ORC3: variants seen among roughly 807,000 people sequenced by gnomAD.
ORC3 encodes homolog of latheo, Drosophila.
Under a neutral mutation model 100.7 loss-of-function variants are expected in ORC3, and 78 were observed. The ratio of observed to expected loss-of-function variants is 0.77; its 90% CI spans 0.65 to 0.94. The LOEUF is 0.94. ORC3 is among the 40% of genes least tolerant of loss of function. The pLI is 0.00. For missense variants in ORC3, 789 were observed against 823.9 expected (o/e 0.96, Z 0.52); for synonymous variants, 295 against 289.3 (o/e 1.02, Z -0.20).
intron 14 of ORC3, among the ~76,000 whole-genome samples, chr6:87,654,299 A>G (rs1171542521): frequency 2.0e-5 from 3 of 152,194 alleles, no homozygotes. Flanking sequence ...GATGAAAGAG[A>G]ATGTTTGCCT....
At chr6:87,594,233 T>G (rs1021011498) in intron 1 of ORC3, 120 bp from the exon 2 acceptor site, 2 of 606,290 alleles carry the variant, frequency 3.3e-6, no homozygotes, top group Non-Finnish European at 5.8e-6. Context: ...CTGAAAGAAA[T>G]GTGTTCTCTC....
rs890544586 is a variant in ORC3 at position 87,648,231 on chromosome 6, C to CA, written c.1383-4876dup. 1.7e-4 allele frequency among the ~76,000 whole-genome samples: 25 copies of CA among 149,340 alleles called. No individual in the cohort carries two copies. In the South Asian group the frequency reaches 2.1e-3, roughly 13 times the overall value. On this transcript the variant is annotated intron_variant, in intron 13 of 19. Transcript: ENST00000392844. ...AAAACAAAACAAAACAAAACAAAAC[C>CA]AAAAAAAAAGTGCTTGCTATAGTCA...
intron 18 of ORC3, 91 bp from the exon 19 acceptor site, chr6:87,665,663 C>A: frequency 1.4e-6 from 1 of 703,574 alleles, no homozygotes; most frequent in Non-Finnish European, 2.5e-6. Context: ...AGAATATGTG[C>A]CAGCTATCAA....
chr6:87,637,474 CT>C (rs143974120), intron 13 of ORC3, among the ~76,000 whole-genome samples: 3 of 151,054 alleles, frequency 2.0e-5, no homozygotes, highest in East Asian at 1.9e-4. Context: ...CTTTTTTCTT[CT>C]TTTTTTTTAC....
intron 13 of ORC3, among the ~76,000 whole-genome samples, chr6:87,639,140 A>G (rs907586338): frequency 6.6e-6 from 1 of 152,158 alleles, no homozygotes; most frequent in Admixed American, 6.5e-5. Context: ...ACATATGGCA[A>G]ATATTCCAAA....
intron 17 of ORC3, among the ~76,000 whole-genome samples, chr6:87,664,300 G>A (rs745487298): frequency 3.9e-5 from 6 of 152,074 alleles, no homozygotes; most frequent in African/African-American, 1.2e-4. Flanking sequence ...TGTTGACAAC[G>A]TAGTCTTTTC....
chr6:87,635,516 G>T (rs185870272), intron 12 of ORC3, among the ~76,000 whole-genome samples: 11 of 152,286 alleles, frequency 7.2e-5, no homozygotes, highest in African/African-American at 2.6e-4. Flanking sequence ...TGACTTGTTG[G>T]CTGGGTGCAG....
In ORC3 at chr6:87,621,321, A is replaced by C. The variant is rs1779514128; in HGVS notation, c.988-33A>C. The C allele has an allele frequency of 8.3e-6, 12 of 1,450,660 alleles. No individual in the cohort carries two copies. The East Asian group carries it at 3.1e-4, about 37-fold the overall frequency. 89.9% of individuals were successfully genotyped at this position (1,450,660 alleles called of 1,614,324 possible). ...CGCAATAGATTTACTGCCAAAATAT[A>C]ACAAATATGTTTAATCTTCACATGT... is the stretch of plus-strand genomic sequence containing the variant. On this transcript the variant is annotated intron_variant, in intron 9 of 19. Transcript: ENST00000392844.
rs561606392 is a variant in ORC3, at chr6:87,661,418, G to A, written c.1692-1585G>A. 2.0e-5 allele frequency among the ~76,000 whole-genome samples: 3 copies of A among 152,288 alleles called. No homozygotes were observed. In the East Asian group the frequency reaches 5.8e-4, roughly 29 times the overall value. On this transcript the variant is annotated intron_variant, in intron 16 of 19. Coordinates refer to ENST00000392844, the MANE Select transcript of ORC3 (RefSeq NM_012381.4). ...TTTGTTCCAGTTGACTCTGGAGAAG[G>A]AGCAGCACCTAGAATTAGAATGAGC...
At chr6:87,635,023 G>T (rs1207607362) in intron 12 of ORC3, 62 bp downstream of exon 12, 5 of 899,278 alleles carry the variant, frequency 5.6e-6, no homozygotes, top group Non-Finnish European at 9.4e-6. Context: ...TCTTGCTTTG[G>T]TTTTTGTAGC....
chr6:87,622,098 A>G (rs1388562723), intron 11 of ORC3, 85 bp downstream of exon 11: 2 of 888,336 alleles, frequency 2.3e-6, no homozygotes, highest in Non-Finnish European at 3.6e-6. Context: ...GAGTTAATAA[A>G]ACATATTTGT....
At position 87,607,907 on chromosome 6, in the gene ORC3, G is replaced by T. The variant is rs1328361192; in HGVS notation, c.579+83G>T. 15 of 883,556 alleles carry T rather than the reference G, an allele frequency of 1.7e-5. No individual in the cohort carries two copies. The East Asian group carries it at 4.1e-4, about 24-fold the overall frequency. The allele number at this position is 883,556 out of a possible 1,614,324, so 54.7% of individuals were successfully genotyped here. A position where few individuals can be genotyped will look rare whatever the true frequency, so the allele number is the denominator to read the frequency against. On this transcript the variant is annotated intron_variant, in intron 6 of 19. Transcript: ENST00000392844. ...GAATAATATTAGACAGTACTGTTTT[G>T]ATCTAACAAGGATATGTTTCTGCAG...
intron 1 of ORC3, among the ~76,000 whole-genome samples, chr6:87,591,308 A>G (rs1776906309): frequency 6.6e-6 from 1 of 152,244 alleles, no homozygotes. Flanking sequence ...TGAAGAAGCT[A>G]CATTCTCCCT....
intron 8 of ORC3, among the ~76,000 whole-genome samples, chr6:87,615,036 C>T (rs969094946): frequency 2.0e-5 from 3 of 152,064 alleles, no homozygotes; most frequent in Non-Finnish European, 2.9e-5. Flanking sequence ...AAGACATAGG[C>T]GAGACTGGGC....
chr6:87,596,990 C>A (rs1044100964), intron 2 of ORC3, among the ~76,000 whole-genome samples: 6 of 152,130 alleles, frequency 3.9e-5, no homozygotes, highest in Admixed American at 3.3e-4. Flanking sequence ...GATATTAATA[C>A]AATCTAGTGA....
At chr6:87,665,556 C>G (rs922137799) in intron 18 of ORC3, among the ~76,000 whole-genome samples, 198 bp from the exon 19 acceptor site, 3 of 152,192 alleles carry the variant, frequency 2.0e-5, no homozygotes, top group African/African-American at 7.2e-5. Flanking sequence ...TTCTCTGAAA[C>G]AAGATTATTC....
intron 17 of ORC3, among the ~76,000 whole-genome samples, chr6:87,663,662 G>A (rs1009089605): frequency 1.3e-5 from 2 of 152,140 alleles, no homozygotes; most frequent in Non-Finnish European, 2.9e-5. Context: ...AAACTCCTGG[G>A]GCAGCACACT....
chr6:87,677,331 T>A, the ORC3 span, among the ~76,000 whole-genome samples: 921 of 152,292 alleles, frequency 6.0e-3, 2 homozygotes, highest in South Asian at 0.023. Flanking sequence ...TACATATCTA[T>A]ATAAACAGTA....
At chr6:87,673,646 T>G in the ORC3 span, among the ~76,000 whole-genome samples, 268 of 151,912 alleles carry the variant, frequency 1.8e-3, 1 homozygote, top group Non-Finnish European at 2.3e-3. Flanking sequence ...ATCGAGACCA[T>G]CCTGGCCAAC....
Sources: allele counts gnomAD v4.1 joint callset (sites outside exome capture counted in the v4.1 genomes callset), GRCh38; gene constraint gnomAD v4.1.1; transcripts MANE v1.5; gene names NCBI Gene and HGNC (gene_info 2026-07-23, HGNC 2026-07-21).